NBPF9: variants seen among roughly 807,000 people sequenced by gnomAD.
The protein encoded by NBPF9 is NBPF member 9.
In NBPF9, 91 loss-of-function variants were observed where a neutral mutation model predicts 97.8. That is an observed-to-expected ratio of 0.93 (90% CI 0.79 to 1.11). The LOEUF is 1.11. Ranked by LOEUF, NBPF9 falls within the 50% of genes least tolerant of loss-of-function variation. NBPF9 has a pLI of 0.00. For synonymous variants in NBPF9, 334 were observed against 359.5 expected, an observed-to-expected ratio of 0.93 and a Z score of 0.80; for missense variants, 992 against 939.5, an observed-to-expected ratio of 1.06 and a Z score of -0.73.
exon 16 of NBPF9, chr1:149,071,040 C>T (rs1553652825): frequency 8.1e-6 from 13 of 1,611,494 alleles, no homozygotes; most frequent in Non-Finnish European, 1.0e-5. Context: ...TCCTATGTGG[C>T]TGGTTGGAGT....
chr1:149,068,904 A>C (rs1264059498), intron 17 of NBPF9, among the ~76,000 whole-genome samples: 3 of 151,382 alleles, frequency 2.0e-5, no homozygotes, highest in African/African-American at 7.3e-5. Flanking sequence ...AATGTAAAAG[A>C]ATGGAAATCA....
chr1:149,074,345 A>G (rs1553653767), intron 12 of NBPF9, among the ~76,000 whole-genome samples: 1 of 151,540 alleles, frequency 6.6e-6, no homozygotes, highest in Non-Finnish European at 1.5e-5. Context: ...TTTTTAAATC[A>G]TATCTTCAGT....
intron 19 of NBPF9, among the ~76,000 whole-genome samples, chr1:149,064,046 C>T (rs75701414): frequency 1.6e-5 from 2 of 127,138 alleles, no homozygotes; most frequent in East Asian, 4.1e-4. Context: ...ACAGAGCGAG[C>T]TGAGTGATTT....
At chr1:149,053,991 G>A (rs1553648136), downstream of NBPF9, 1 of 148,056 alleles carries the variant, frequency 6.8e-6, no homozygotes, top group Admixed American at 6.7e-5. Flanking sequence ...GCTACATATG[G>A]TAAACATAGC....
At chr1:149,074,661 C>G (rs1559529099) in intron 12 of NBPF9, among the ~76,000 whole-genome samples, 1 of 151,180 alleles carries the variant, frequency 6.6e-6, no homozygotes, top group Non-Finnish European at 1.5e-5. Context: ...GGCCCACGGT[C>G]CCTGCTCTGT....
intron 5 of NBPF9, among the ~76,000 whole-genome samples, chr1:149,087,297 A>G (rs1166636848): frequency 6.7e-6 from 1 of 150,190 alleles, no homozygotes; most frequent in Non-Finnish European, 1.5e-5. Context: ...CTATTTGGAG[A>G]TGATAATCTT....
At chr1:149,076,201 T>C (rs1362554030) in intron 11 of NBPF9, among the ~76,000 whole-genome samples, 2 of 151,568 alleles carry the variant, frequency 1.3e-5, no homozygotes, top group Non-Finnish European at 3.0e-5. Flanking sequence ...TTTTTCTTTT[T>C]TGGTTTTTTT....
At chr1:149,101,872 C>G (rs1553245249) in intron 2 of NBPF9, among the ~76,000 whole-genome samples, 1 of 146,680 alleles carries the variant, frequency 6.8e-6, no homozygotes, top group Non-Finnish European at 1.5e-5. Flanking sequence ...TCTAGTAATG[C>G]TCTATTTCTT....
chr1:149,071,647 G>A lies in NBPF9; in HGVS notation c.1336C>T (p.Gln446Ter). Residue 446 changes from glutamine to a stop codon, truncating the protein, a stop_gained, in exon 15 of 30, where the codon CAA (glutamine) becomes TAA (stop). Coordinates refer to ENST00000584027, the Ensembl canonical transcript of NBPF9. LOFTEE classifies it high-confidence loss of function. The stretch of plus-strand genomic sequence containing the variant: ...TGCACTTTCTCAGCCACCTCAATTT[G>A]AACATCTTCATCGTCATCGTTGTCA... 7.6e-7 allele frequency: 1 copy of A among 1,314,222 alleles called. No homozygotes were observed. Among genetic ancestry groups the A allele is most frequent in the Non-Finnish European group, 1.1e-6 (1 of 950,310 alleles). 81.4% of individuals were successfully genotyped at this position (1,314,222 alleles called of 1,614,324 possible). A position where few individuals can be genotyped will look rare whatever the true frequency, so the allele number is the denominator to read the frequency against.
exon 13 of NBPF9, chr1:149,073,830 C>T (rs367663058): frequency 1.3e-6 from 2 of 1,512,220 alleles, no homozygotes; most frequent in Non-Finnish European, 1.8e-6. Context: ...GTCGCTCATT[C>T]CTCAGCATAA....
chr1:149,074,179 C>A (rs1213528109), intron 12 of NBPF9, among the ~76,000 whole-genome samples: 1 of 151,394 alleles, frequency 6.6e-6, no homozygotes, highest in African/African-American at 2.4e-5. Context: ...GGCCACTTTC[C>A]CAAGCTTTGC....
intron 3 of NBPF9, among the ~76,000 whole-genome samples, chr1:149,099,483 A>G (rs2082004463): frequency 6.6e-6 from 1 of 152,184 alleles, no homozygotes. Context: ...ATATTTATTC[A>G]ATATCTGTTT....
At chr1:149,061,524 C>T (rs1272693555) in intron 22 of NBPF9, 141 bp from the exon 23 acceptor site, 2 of 460,836 alleles carry the variant, frequency 4.3e-6, no homozygotes, top group African/African-American at 4.9e-5. Context: ...TTCAGGAAGC[C>T]TGAAAGCTGG....
At chr1:149,074,639 G>C (rs375027098) in intron 12 of NBPF9, among the ~76,000 whole-genome samples, 1 of 151,130 alleles carries the variant, frequency 6.6e-6, no homozygotes, top group South Asian at 2.1e-4. Context: ...CTTGGATGGA[G>C]CCCAGGAGAC....
In NBPF9 at chr1:149,063,587, C is replaced by G. The variant is rs1198390151; in HGVS notation, c.2026+46G>C. ...CTTGCAGTAGGAATATGACCCTAAC[C>G]AGAAGACTCAGTGGATCCTTATCAC... On this transcript the variant is annotated intron_variant, in intron 20 of 29. Transcript: ENST00000584027. The G allele has an allele frequency of 3.3e-5, 20 of 611,618 alleles. 1 individual carries two copies. Among genetic ancestry groups the G allele is most frequent in the Non-Finnish European group, 4.5e-5 (16 of 353,052 alleles). 37.9% of individuals were successfully genotyped at this position (611,618 alleles called of 1,614,324 possible).
exon 6 of NBPF9, chr1:149,082,278 G>C: frequency 1.3e-6 from 2 of 1,531,702 alleles, no homozygotes; most frequent in Middle Eastern, 2.3e-4. Flanking sequence ...TTACCTTACT[G>C]TTGTGAAAAA....
exon 23 of NBPF9, chr1:149,061,380 A>G: frequency 2.6e-6 from 1 of 386,702 alleles, no homozygotes. Context: ...GTCCTTTTTA[A>G]TTCCTGCAAT....
exon 22 of NBPF9, chr1:149,062,235 C>G (rs782789198): frequency 3.2e-6 from 3 of 930,788 alleles, no homozygotes; most frequent in Admixed American, 1.7e-5. Flanking sequence ...AGACTTCAGG[C>G]TCTTTCTCAT....
At chr1:149,055,533 A>G (rs1553648541) in exon 30 of NBPF9, 7 of 1,561,040 alleles carry the variant, frequency 4.5e-6, no homozygotes, top group Admixed American at 3.6e-5. Context: ...ATAGGAATAG[A>G]GCCATGCCCA....
Sources: gnomAD v4.1 joint callset for allele counts (sites outside exome capture counted in the v4.1 genomes callset) on GRCh38, gnomAD v4.1.1 for gene constraint, MANE v1.5 for transcripts, NCBI Gene and HGNC (gene_info 2026-07-23, HGNC 2026-07-21) for gene names.